The following SBF2 variants were observed in gnomAD, a reference collection of about 807,000 sequenced individuals.
The protein encoded by SBF2 is myotubularin-related protein 13.
In SBF2, 112 loss-of-function variants were observed where a neutral mutation model predicts 225.2. That is an observed-to-expected ratio of 0.50 (90% confidence interval 0.43 to 0.58). The LOEUF is 0.58. SBF2 is among the 20% of genes least tolerant of loss of function. SBF2 has a pLI of 0.00. For missense variants in SBF2, 1,996 were observed against 2,206.2 expected (o/e 0.90, Z 1.91); for synonymous variants, 763 against 773.3 (o/e 0.99, Z 0.22).
chr11:9,834,033 T>C (rs1487360142), intron 26 of SBF2, among the ~76,000 whole-genome samples: 1 of 151,714 alleles, frequency 6.6e-6, no homozygotes, highest in Admixed American at 6.6e-5. Context: ...CCTCCCAAAG[T>C]GCTGGGAGTA....
intron 13 of SBF2, among the ~76,000 whole-genome samples, chr11:9,973,959 T>C (rs1946565532): frequency 6.6e-6 from 1 of 152,214 alleles, no homozygotes; most frequent in Non-Finnish European, 1.5e-5. Flanking sequence ...CAAATTATAC[T>C]TAGAGCTATG....
chr11:10,224,436 G>T (rs547970778), intron 1 of SBF2, among the ~76,000 whole-genome samples: 2 of 151,860 alleles, frequency 1.3e-5, no homozygotes, highest in Non-Finnish European at 2.9e-5. Context: ...TACTTCATTT[G>T]CTTCCCATTG....
chr11:9,832,557 T>G (rs1478813206), intron 26 of SBF2, 137 bp from the exon 27 acceptor site: 2 of 692,846 alleles, frequency 2.9e-6, no homozygotes, highest in Admixed American at 2.3e-5. Context: ...TTTCTAAGAT[T>G]CAGAAACATA....
intron 1 of SBF2, among the ~76,000 whole-genome samples, chr11:10,288,574 G>GA (rs1963949092): frequency 1.3e-5 from 2 of 152,106 alleles, no homozygotes; most frequent in Admixed American, 1.3e-4. Flanking sequence ...GCTGTCTGCA[G>GA]CTCTCAGCAG....
At chr11:9,867,934 T>C (rs996373547) in intron 17 of SBF2, among the ~76,000 whole-genome samples, 1 of 152,198 alleles carries the variant, frequency 6.6e-6, no homozygotes, top group Non-Finnish European at 1.5e-5. Context: ...GAATAAGTTC[T>C]AGTGTTTGAC....
At position 9,812,625 on chromosome 11, in the gene SBF2, C is replaced by T; in HGVS notation, c.4062G>A (p.Lys1354=). 1 of 1,614,194 alleles carries T rather than the reference C, an allele frequency of 6.2e-7. No homozygotes were observed. Among genetic ancestry groups the T allele is most frequent in the Non-Finnish European group, 8.5e-7 (1 of 1,180,024 alleles). Residue 1354 remains lysine (K), a synonymous_variant, in exon 30 of 40, where the codon AAG becomes AAA. Transcript: ENST00000256190. ...HEIRQVKASF[K]KLMRACIPST... is the part of the protein sequence containing the mutation. ...TTGGGATACAAGCCCTCATCAGCTT[C>T]TTAAAACTGGCTTTCACTTGCCGGA...
chr11:9,824,423 G>A (rs1292585862), intron 28 of SBF2, among the ~76,000 whole-genome samples: 1 of 152,004 alleles, frequency 6.6e-6, no homozygotes, highest in Admixed American at 6.6e-5. Flanking sequence ...TGGGCACGGT[G>A]GCACGTGCCT....
At chr11:10,134,488 A>G (rs999349497) in intron 2 of SBF2, among the ~76,000 whole-genome samples, 1 of 152,200 alleles carries the variant, frequency 6.6e-6, no homozygotes, top group Non-Finnish European at 1.5e-5. Flanking sequence ...CTCATCAGAG[A>G]CAAGGCAAGT....
intron 3 of SBF2, among the ~76,000 whole-genome samples, chr11:10,037,091 T>G (rs973855032): frequency 6.6e-6 from 1 of 152,278 alleles, no homozygotes; most frequent in African/African-American, 2.4e-5. Flanking sequence ...ACAAAATACA[T>G]CTGTGAGGGA....
intron 2 of SBF2, among the ~76,000 whole-genome samples, chr11:10,107,024 T>C (rs902175212): frequency 3.3e-5 from 5 of 152,222 alleles, no homozygotes; most frequent in East Asian, 3.8e-4. Context: ...TAGATGTTAG[T>C]AGGATGTGGA....
chr11:10,255,612 A>G (rs947441148), intron 1 of SBF2, among the ~76,000 whole-genome samples: 9 of 152,228 alleles, frequency 5.9e-5, no homozygotes, highest in Admixed American at 1.3e-4. Context: ...AGCTGCATCA[A>G]TATTTTAATG....
intron 1 of SBF2, among the ~76,000 whole-genome samples, chr11:10,205,675 A>C (rs971484328): frequency 6.6e-6 from 1 of 152,028 alleles, no homozygotes; most frequent in Non-Finnish European, 1.5e-5. Flanking sequence ...CAGTGATAAT[A>C]AGCAGCCAGG....
chr11:9,783,764 A>T (rs973896942), intron 38 of SBF2, among the ~76,000 whole-genome samples: 3 of 152,214 alleles, frequency 2.0e-5, no homozygotes, highest in African/African-American at 7.2e-5. Flanking sequence ...GGGTGGGCAC[A>T]TCCCCTTCTG....
chr11:10,224,269 T>C (rs1028393639), intron 1 of SBF2, among the ~76,000 whole-genome samples: 1 of 152,132 alleles, frequency 6.6e-6, no homozygotes, highest in Non-Finnish European at 1.5e-5. Context: ...TTGTCTAAGC[T>C]CATGTTGTTA....
chr11:9,924,837 C>T (rs1863907094), intron 16 of SBF2, among the ~76,000 whole-genome samples: 1 of 152,170 alleles, frequency 6.6e-6, no homozygotes, highest in Non-Finnish European at 1.5e-5. Flanking sequence ...CAGCCTCCAC[C>T]TTCCAGGCTC....
chr11:10,256,553 G>A (rs1327654266), intron 1 of SBF2, among the ~76,000 whole-genome samples: 1 of 152,206 alleles, frequency 6.6e-6, no homozygotes, highest in African/African-American at 2.4e-5. Context: ...ACAAGCCCTT[G>A]AAGCCGCATT....
intron 1 of SBF2, among the ~76,000 whole-genome samples, chr11:10,255,220 A>C (rs1365118107): frequency 6.6e-6 from 1 of 152,192 alleles, no homozygotes; most frequent in Non-Finnish European, 1.5e-5. Context: ...GAAAAGCACT[A>C]AAAGAGTAGA....
chr11:9,908,864 T>G lies in SBF2; in HGVS notation c.1861-12853A>C, dbSNP rs1862344546. 5.9e-5 allele frequency among the ~76,000 whole-genome samples: 9 copies of G among 151,606 alleles called. No individual in the cohort carries two copies. In the South Asian group the frequency reaches 1.9e-3, roughly 32 times the overall value. On this transcript the variant is annotated intron_variant, in intron 16 of 39. Coordinates refer to ENST00000256190, the MANE Select transcript of SBF2 (RefSeq NM_030962.4). The stretch of plus-strand genomic sequence containing the variant: ...TGCGCATGGCTAATTTTTTTTTTTT[T>G]TTTTGTAAAGATGAGGTTCCGCCAC...
At chr11:10,143,804 G>A (rs1390327430) in intron 2 of SBF2, among the ~76,000 whole-genome samples, 5 of 151,920 alleles carry the variant, frequency 3.3e-5, no homozygotes, top group South Asian at 2.1e-4. Flanking sequence ...TGCAAGCTCC[G>A]CCTCCCAGGT....
Sources: gnomAD v4.1 joint callset for allele counts (sites outside exome capture counted in the v4.1 genomes callset) on GRCh38, gnomAD v4.1.1 for gene constraint, MANE v1.5 for transcripts, NCBI Gene and HGNC (gene_info 2026-07-23, HGNC 2026-07-21) for gene names.